Variants in RANBP6 observed in about 807,000 individuals in gnomAD.
RANBP6 encodes ran-binding protein 6.
In RANBP6, 10 loss-of-function variants were observed where a neutral mutation model predicts 35.3. The observed-to-expected ratio is 0.28, with a 90% CI of 0.17 to 0.48. The LOEUF (loss-of-function observed/expected upper bound fraction) is 0.48, where lower values mean the gene tolerates loss of function less well. Ranked by LOEUF, RANBP6 falls within the 20% of genes least tolerant of loss-of-function variation. RANBP6 has a pLI of 0.99. For synonymous variants in RANBP6, 514 were observed against 464.2 expected, an observed-to-expected ratio of 1.11 and a Z score of -1.38; for missense variants, 1,392 against 1,307.7, an observed-to-expected ratio of 1.06 and a Z score of -0.99.
Position 6,013,859 on chromosome 9 carries a change from T to G in RANBP6, c.1749A>C (p.Gln583His), listed in dbSNP as rs768192487. The G allele has an allele frequency of 1.2e-6, 2 of 1,613,982 alleles. No homozygotes were observed. Among genetic ancestry groups the G allele is most frequent in the East Asian group, 2.2e-5 (1 of 44,888 alleles). Residue 583 changes from glutamine (Q) to histidine (H), a missense_variant, in exon 1 of 1, where the codon CAA becomes CAC. Coordinates refer to ENST00000259569, the MANE Select transcript of RANBP6 (RefSeq NM_012416.4). Reference sequence around the variant, plus strand: ...ACAGCTGCATCACATTTGATGCATCTTGCATAAATTTTTCCTTCCCAACAG... The same window carrying G: ...ACAGCTGCATCACATTTGATGCATCGTGCATAAATTTTTCCTTCCCAACAG... ...GLAVGKEKFM[Q>H]DASNVMQLLL...
At position 6,012,279 on chromosome 9, in the gene RANBP6, A is replaced by G; in HGVS notation, c.*11T>C. ...TTATAATAGATAATATTCAAGTTAT[A>G]TTAAAGTGCTTCAAGCAAAATTTAG... On this transcript the variant is annotated 3_prime_UTR_variant, in exon 1 of 1. Transcript: ENST00000259569. 2 of 1,514,200 alleles carry G rather than the reference A, an allele frequency of 1.3e-6. No homozygotes were observed. The highest frequency in any genetic ancestry group is 1.8e-6 in the Non-Finnish European group (2 of 1,128,816). The allele number at this position is 1,514,200 out of a possible 1,614,324, so 93.8% of individuals were successfully genotyped here.
chr9:6,011,121 G>A lies in RANBP6; in HGVS notation c.*1169C>T, dbSNP rs1344125434. 1.3e-5 allele frequency: 2 copies of A among 152,136 alleles called. No individual in the cohort carries two copies. The highest frequency in any genetic ancestry group is 3.8e-4 in the East Asian group (2 of 5,198). The allele number at this position is 152,136 out of a possible 1,614,324, so 9.4% of individuals were successfully genotyped here. A position where few individuals can be genotyped will look rare whatever the true frequency, so the allele number is the denominator to read the frequency against. On this transcript the variant is annotated 3_prime_UTR_variant, in exon 1 of 1. Coordinates refer to ENST00000259569, the MANE Select transcript of RANBP6 (RefSeq NM_012416.4). ...ATACACAGTACTCACAATAGCCCCA[G>A]GAAATTATAGATGTATTTAAGTTTT...
In RANBP6 at chr9:6,013,492, C is replaced by T. The variant is rs1842513810; in HGVS notation, c.2116G>A (p.Glu706Lys). Residue 706 changes from glutamate to lysine, a missense_variant, in exon 1 of 1, where the codon GAA becomes AAA. Transcript: ENST00000259569. Reference protein sequence around the residue: ...YAKELREGFVEYTEQVVKLMV... With the variant: ...YAKELREGFVKYTEQVVKLMV... ...AGCTTCACAACTTGTTCTGTATATT[C>T]CACAAACCCTTCCCTTAACTCCTTA... 9.9e-6 allele frequency: 16 copies of T among 1,614,178 alleles called. No homozygotes were observed. Among genetic ancestry groups the T allele is most frequent in the Non-Finnish European group, 1.2e-5 (14 of 1,180,026 alleles).
chr9:6,013,359 A>C lies in RANBP6; in HGVS notation c.2249T>G (p.Leu750Arg). Residue 750 changes from leucine (L) to arginine (R), a missense_variant, in exon 1 of 1, where the codon CTT becomes CGT. Leu to Arg is a moderately radical substitution (Grantham distance 102). Coordinates refer to ENST00000259569, the MANE Select transcript of RANBP6 (RefSeq NM_012416.4). ...ECARIRGPEY[L>R]AQMWQFICDP... ...ACATATGAATTGCCACATCTGTGCA[A>C]GATACTCTGGGCCACGAATTCTTGC... 1 of 1,614,174 alleles carries C rather than the reference A, an allele frequency of 6.2e-7. No individual in the cohort carries two copies. The highest frequency in any genetic ancestry group is 1.1e-5 in the South Asian group (1 of 91,084).
chr9:6,014,422 C>T lies in RANBP6; in HGVS notation c.1186G>A (p.Gly396Arg). ...GLMALSAIGEGCHQQMESILD... is the reference protein window; with the variant it reads ...GLMALSAIGERCHQQMESILD... ...ATTGATTCCATTTGTTGATGGCATC[C>T]TTCTCCAATGGCAGATAAGGCCATT... The change falls in exon 1 of 1, where the codon GGA (glycine) becomes AGA (arginine). Residue 396 changes from glycine (G) to arginine (R), a missense_variant. By Grantham distance (125) the Gly-to-Arg change is moderately radical. Coordinates refer to ENST00000259569, the MANE Select transcript of RANBP6 (RefSeq NM_012416.4). 1.9e-6 allele frequency: 3 copies of T among 1,614,142 alleles called. No homozygotes were observed. Among genetic ancestry groups the T allele is most frequent in the Non-Finnish European group, 2.5e-6 (3 of 1,180,024 alleles).
Position 6,013,374 on chromosome 9 carries a change from C to G in RANBP6, c.2234G>C (p.Arg745Pro), listed in dbSNP as rs765212611. Residue 745 changes from arginine (R) to proline (P), a missense_variant, in exon 1 of 1, where the codon CGT becomes CCT. Transcript: ENST00000259569. ...CATCTGTGCAAGATACTCTGGGCCA[C>G]GAATTCTTGCACATTCCAGGAGAAA... ...MPFLLECARI[R>P]GPEYLAQMWQ... The G allele has an allele frequency of 1.2e-6, 2 of 1,614,120 alleles. No homozygotes were observed. The highest frequency in any genetic ancestry group is 2.2e-5 in the East Asian group (1 of 44,888).
In RANBP6 at chr9:6,011,789, A is replaced by C. The variant is rs1213548022; in HGVS notation, c.*501T>G. On this transcript the variant is annotated 3_prime_UTR_variant, in exon 1 of 1. Transcript: ENST00000259569. The stretch of plus-strand genomic sequence containing the variant: ...ATATACATCCCACATCCACTGCAGT[A>C]TCTCAAAACTCTCCTAGTAACAGCA... 6.5e-6 allele frequency: 1 copy of C among 152,996 alleles called. No homozygotes were observed. Among genetic ancestry groups the C allele is most frequent in the Non-Finnish European group, 1.5e-5 (1 of 68,630 alleles). The allele number at this position is 152,996 out of a possible 1,614,324, so 9.5% of individuals were successfully genotyped here. A position where few individuals can be genotyped will look rare whatever the true frequency, so the allele number is the denominator to read the frequency against.
rs1259161864 is a variant in RANBP6, at chr9:6,011,428, G to A, written c.*862C>T. On this transcript the variant is annotated 3_prime_UTR_variant, in exon 1 of 1. Transcript: ENST00000259569. ...TTATTTGAAATAGAAATCAATTTAA[G>A]CCCTATAACTAGAGCTTTTTCTCTT... is the stretch of plus-strand genomic sequence containing the variant. The A allele has an allele frequency of 6.6e-6, 1 of 152,172 alleles. No homozygotes were observed. The highest frequency in any genetic ancestry group is 1.5e-5 in the Non-Finnish European group (1 of 68,000). 9.4% of individuals were successfully genotyped at this position (152,172 alleles called of 1,614,324 possible). A position where few individuals can be genotyped will look rare whatever the true frequency, so the allele number is the denominator to read the frequency against.
At position 6,013,841 on chromosome 9, in the gene RANBP6, C is replaced by T. The variant is rs1261341251; in HGVS notation, c.1767G>A (p.Met589Ile). ...CTGATTGTGTCTTCAACAACAGCTG[C>T]ATCACATTTGATGCATCTTGCATAA... Reference protein sequence around the residue: ...EKFMQDASNVMQLLLKTQSDL... With the variant: ...EKFMQDASNVIQLLLKTQSDL... The change falls in exon 1 of 1, where the codon ATG becomes ATA. Residue 589 changes from methionine (M) to isoleucine (I), a missense_variant. By Grantham distance (10) the Met-to-Ile change is conservative. Coordinates refer to ENST00000259569, the MANE Select transcript of RANBP6 (RefSeq NM_012416.4). The T allele has an allele frequency of 6.2e-7, 1 of 1,614,022 alleles. No individual in the cohort carries two copies. Among genetic ancestry groups the T allele is most frequent in the Non-Finnish European group, 8.5e-7 (1 of 1,180,004 alleles).
In RANBP6 at chr9:6,012,055, A is replaced by C. The variant is rs1203015069; in HGVS notation, c.*235T>G. The C allele has an allele frequency of 2.7e-6, 1 of 369,418 alleles. No individual in the cohort carries two copies. The highest frequency in any genetic ancestry group is 4.8e-6 in the Non-Finnish European group (1 of 206,330). The allele number at this position is 369,418 out of a possible 1,614,324, so 22.9% of individuals were successfully genotyped here. A position where few individuals can be genotyped will look rare whatever the true frequency, so the allele number is the denominator to read the frequency against. On this transcript the variant is annotated 3_prime_UTR_variant, in exon 1 of 1. Transcript: ENST00000259569. Reference sequence around the variant, plus strand: ...TTACATCAACTAGGGGAAAGGTGACAAACATTGTTTAAGACAGTTTGAAGC... The same window carrying C: ...TTACATCAACTAGGGGAAAGGTGACCAACATTGTTTAAGACAGTTTGAAGC...
chr9:6,013,789 G>A lies in RANBP6; in HGVS notation c.1819C>T (p.Pro607Ser), dbSNP rs1842522290. 4 of 1,613,774 alleles carry A rather than the reference G, an allele frequency of 2.5e-6. No individual in the cohort carries two copies. The African/African-American group carries it at 4.0e-5, about 16-fold the overall frequency. The change falls in exon 1 of 1, where the codon CCT (proline) becomes TCT (serine). Residue 607 changes from proline to serine, a missense_variant. Coordinates refer to ENST00000259569, the MANE Select transcript of RANBP6 (RefSeq NM_012416.4). Reference protein sequence around the residue: ...SDLNNMEDDDPQTSYMVSAWA... With the variant: ...SDLNNMEDDDSQTSYMVSAWA... Reference sequence around the variant, plus strand: ...GCTGAAACCATGTAAGAGGTCTGAGGGTCATCATCTTCCATATTATTTAAG... The same window carrying A: ...GCTGAAACCATGTAAGAGGTCTGAGAGTCATCATCTTCCATATTATTTAAG...
chr9:6,013,275 A>G lies in RANBP6; in HGVS notation c.2333T>C (p.Met778Thr), dbSNP rs1371674447. 3.7e-6 allele frequency: 6 copies of G among 1,614,162 alleles called. No individual in the cohort carries two copies. Among genetic ancestry groups the G allele is most frequent in the Non-Finnish European group, 4.2e-6 (5 of 1,180,022 alleles). The change falls in exon 1 of 1, where the codon ATG (methionine) becomes ACG (threonine). Residue 778 changes from methionine to threonine, a missense_variant. Coordinates refer to ENST00000259569, the MANE Select transcript of RANBP6 (RefSeq NM_012416.4). ...TTCAATGGACTTTGCAAAAGAATTCATTATTTCTGAGAGCACATCTGTATC... is the reference window on the plus strand; with the variant it reads ...TTCAATGGACTTTGCAAAAGAATTCGTTATTTCTGAGAGCACATCTGTATC... Reference protein sequence around the residue: ...EPDTDVLSEIMNSFAKSIEVM... With the variant: ...EPDTDVLSEITNSFAKSIEVM...
rs1842541134 is a variant in RANBP6 at position 6,014,631 on chromosome 9, T to A, written c.977A>T (p.Asp326Val). The change falls in exon 1 of 1, where the codon GAT becomes GTT. Residue 326 changes from aspartate to valine, a missense_variant. Transcript: ENST00000259569. Reference sequence around the variant, plus strand: ...TTCATCAGCATTTACCCAGTCCTCATCATCTTGTAGATCAACCATCATTGC... The same window carrying A: ...TTCATCAGCATTTACCCAGTCCTCAACATCTTGTAGATCAACCATCATTGC... ...ILAMMVDLQDDEDWVNADEME... is the reference protein window; with the variant it reads ...ILAMMVDLQDVEDWVNADEME... 2 of 1,614,082 alleles carry A rather than the reference T, an allele frequency of 1.2e-6. No individual in the cohort carries two copies. Among genetic ancestry groups the A allele is most frequent in the African/African-American group, 2.7e-5 (2 of 74,952 alleles).
rs199998472 is a variant in RANBP6 at position 6,013,807 on chromosome 9, T to C, written c.1801A>G (p.Asn601Asp). 3 of 1,613,954 alleles carry C rather than the reference T, an allele frequency of 1.9e-6. No homozygotes were observed. In the Admixed American group the frequency reaches 5.0e-5, roughly 27 times the overall value. ...GTCTGAGGGTCATCATCTTCCATAT[T>C]ATTTAAGTCTGATTGTGTCTTCAAC... is the stretch of plus-strand genomic sequence containing the variant. ...LLLKTQSDLNNMEDDDPQTSY... is the reference protein window; with the variant it reads ...LLLKTQSDLNDMEDDDPQTSY... Residue 601 changes from asparagine to aspartate, a missense_variant, in exon 1 of 1, where the codon AAT becomes GAT. Transcript: ENST00000259569.
Position 6,013,488 on chromosome 9 carries a change from T to C in RANBP6, c.2120A>G (p.Tyr707Cys), listed in dbSNP as rs1410026764. ...CATCAGCTTCACAACTTGTTCTGTA[T>C]ATTCCACAAACCCTTCCCTTAACTC... ...AKELREGFVE[Y>C]TEQVVKLMVP... The change falls in exon 1 of 1, where the codon TAT (tyrosine) becomes TGT (cysteine). Residue 707 changes from tyrosine (Y) to cysteine (C), a missense_variant. Transcript: ENST00000259569. 1.9e-6 allele frequency: 3 copies of C among 1,614,238 alleles called. No homozygotes were observed. The highest frequency in any genetic ancestry group is 2.5e-6 in the Non-Finnish European group (3 of 1,180,036).
chr9:6,013,042 A>C lies in RANBP6; in HGVS notation c.2566T>G (p.Ser856Ala). The change falls in exon 1 of 1, where the codon TCA becomes GCA. Residue 856 changes from serine to alanine, a missense_variant. By Grantham distance (99) the Ser-to-Ala change is moderately conservative. Coordinates refer to ENST00000259569, the MANE Select transcript of RANBP6 (RefSeq NM_012416.4). The stretch of plus-strand genomic sequence containing the variant: ...TTTTCCTTATAAGTACTAAATAATG[A>C]GTGCAAAATATCTGATACTTTGGTC... ...ILTKVSDILH[S>A]LFSTYKEKIL... is the part of the protein sequence containing the mutation. 1.9e-6 allele frequency: 3 copies of C among 1,613,806 alleles called. No homozygotes were observed. The highest frequency in any genetic ancestry group is 1.7e-6 in the Non-Finnish European group (2 of 1,179,902).
rs1197421247 is a variant in RANBP6 at position 6,015,140 on chromosome 9, C to G, written c.468G>C (p.Trp156Cys). The G allele has an allele frequency of 1.2e-6, 2 of 1,614,078 alleles. No homozygotes were observed. The highest frequency in any genetic ancestry group is 1.3e-5 in the African/African-American group (1 of 75,028). Residue 156 changes from tryptophan (W) to cysteine (C), a missense_variant, in exon 1 of 1, where the codon TGG becomes TGC. Transcript: ENST00000259569. ...DSIYSKNVVL[W>C]EVALHVFWHF... ...GCCAGAAAACGTGAAGTGCAACTTC[C>G]CATAGAACCACATTTTTGGAGTAGA...
rs1842486027 is a variant in RANBP6, at chr9:6,012,319, C to A, written c.3289G>T (p.Ala1097Ser). 3 of 1,583,288 alleles carry A rather than the reference C, an allele frequency of 1.9e-6. No homozygotes were observed. The highest frequency in any genetic ancestry group is 4.5e-5 in the East Asian group (2 of 44,608). Residue 1097 changes from alanine (A) to serine (S), a missense_variant, in exon 1 of 1, where the codon GCC becomes TCC. Coordinates refer to ENST00000259569, the MANE Select transcript of RANBP6 (RefSeq NM_012416.4). ...GCAAAATTTAGCAACTCCTGTAAGG[C>A]TTCCTGCTGTTCATCATCAAGTTGT... ...VSQLDDEQQE[A>S]LQELLNFA
Position 6,014,083 on chromosome 9 carries a change from T to C in RANBP6, c.1525A>G (p.Ile509Val), listed in dbSNP as rs1477797716. 3 of 1,614,076 alleles carry C rather than the reference T, an allele frequency of 1.9e-6. No homozygotes were observed. The highest frequency in any genetic ancestry group is 2.5e-6 in the Non-Finnish European group (3 of 1,179,996). Residue 509 changes from isoleucine (I) to valine (V), a missense_variant, in exon 1 of 1, where the codon ATT becomes GTT. Transcript: ENST00000259569. ...SVLVIKLQEL[I>V]RNGTKLALEQ... ...AAAGCCAACTTAGTTCCATTCCGAA[T>C]CAACTCTTGAAGTTTAATCACCAAG... is the stretch of plus-strand genomic sequence containing the variant.
Sources: gnomAD v4.1 joint callset for allele counts on GRCh38, gnomAD v4.1.1 for gene constraint, MANE v1.5 for transcripts, NCBI Gene and HGNC (gene_info 2026-07-23, HGNC 2026-07-21) for gene names.